CORO2B: variants seen among roughly 807,000 people sequenced by gnomAD.
The protein encoded by CORO2B is coronin-2B.
Under a neutral mutation model 58.8 loss-of-function variants are expected in CORO2B, and 26 were observed. That is an observed-to-expected ratio of 0.44 (90% CI 0.32 to 0.61). The LOEUF is 0.61. CORO2B is among the 20% of genes least tolerant of loss of function. The probability of loss-of-function intolerance (pLI) is 0.04; values close to 1 mark genes in which losing one functional copy is unlikely to be tolerated. For synonymous variants in CORO2B, 242 were observed against 253.8 expected (o/e 0.95, Z 0.44); for missense variants, 460 against 645.1 (o/e 0.71, Z 3.11).
chr15:68,622,554 C>T (rs1367767695), intron 1 of CORO2B, among the ~76,000 whole-genome samples: 2 of 152,160 alleles, frequency 1.3e-5, no homozygotes, highest in African/African-American at 4.8e-5. Context: ...CAATGGGGAA[C>T]TCACCACCTC....
the CORO2B span, among the ~76,000 whole-genome samples, chr15:68,557,786 T>C: frequency 2.0e-5 from 3 of 152,346 alleles, no homozygotes; most frequent in East Asian, 1.9e-4. Context: ...GACATCAGTT[T>C]GCACCACGCT....
chr15:68,553,364 C>A, the CORO2B span, among the ~76,000 whole-genome samples: 4 of 152,034 alleles, frequency 2.6e-5, no homozygotes, highest in African/African-American at 9.7e-5. Flanking sequence ...ATCACAAGAT[C>A]TTTGTAACAG....
At chr15:68,531,633 G>GA in the CORO2B span, among the ~76,000 whole-genome samples, 1 of 144,182 alleles carries the variant, frequency 6.9e-6, no homozygotes, top group Non-Finnish European at 1.6e-5. Context: ...GAGAAAGAAA[G>GA]AAGGAAAGAA....
At chr15:68,717,634 T>C (rs1893063174) in intron 8 of CORO2B, among the ~76,000 whole-genome samples, 1 of 152,224 alleles carries the variant, frequency 6.6e-6, no homozygotes, top group African/African-American at 2.4e-5. Flanking sequence ...GCACTTCTTG[T>C]AGACTCAGAA....
the CORO2B span, among the ~76,000 whole-genome samples, chr15:68,534,389 G>A: frequency 3.4e-4 from 52 of 152,350 alleles, no homozygotes; most frequent in East Asian, 8.5e-3. Flanking sequence ...TCCTGGTAAA[G>A]TGGCACTTCT....
At chr15:68,545,064 A>G in the CORO2B span, among the ~76,000 whole-genome samples, 6 of 152,028 alleles carry the variant, frequency 3.9e-5, no homozygotes, top group Non-Finnish European at 8.8e-5. Context: ...TTGAGCCACC[A>G]CGCCCGGCCT....
At chr15:68,686,020 G>GTTTTTTTTTTTTTTTTT (rs56168498) in intron 2 of CORO2B, among the ~76,000 whole-genome samples, 1 of 103,334 alleles carries the variant, frequency 9.7e-6, no homozygotes. Flanking sequence ...TCCTACTTCT[G>GTTTTTTTTTTTTTTTTT]TTTTTTTTTT....
At chr15:68,709,288 C>A (rs1245179575) in intron 3 of CORO2B, among the ~76,000 whole-genome samples, 2 of 152,170 alleles carry the variant, frequency 1.3e-5, no homozygotes, top group Non-Finnish European at 2.9e-5. Flanking sequence ...ATACTACCAA[C>A]ATCCATTCAA....
intron 3 of CORO2B, among the ~76,000 whole-genome samples, chr15:68,701,319 CT>C (rs1250435989): frequency 6.8e-6 from 1 of 146,948 alleles, no homozygotes. Flanking sequence ...TCTTTTTTTT[CT>C]TTTTTTTGAG....
chr15:68,527,777 C>G, the CORO2B span, among the ~76,000 whole-genome samples: 1 of 152,124 alleles, frequency 6.6e-6, no homozygotes, highest in Admixed American at 6.5e-5. Flanking sequence ...TATTATAGCT[C>G]TCCCTTTATT....
chr15:68,579,226 C>G lies in CORO2B; in HGVS notation c.-37C>G. On this transcript the variant is annotated 5_prime_UTR_variant, in exon 1 of 12. Coordinates refer to ENST00000261861, the MANE Select transcript of CORO2B (RefSeq NM_006091.5). Reference sequence around the variant, plus strand: ...GGGCCGCCGCCGCCGCCCCCGCACGCCGCGCCCGCGCCCCCGCTCCGCCGC... The same window carrying G: ...GGGCCGCCGCCGCCGCCCCCGCACGGCGCGCCCGCGCCCCCGCTCCGCCGC... 1.8e-6 allele frequency: 2 copies of G among 1,097,364 alleles called. No homozygotes were observed. Among genetic ancestry groups the G allele is most frequent in the Non-Finnish European group, 2.2e-6 (2 of 904,726 alleles). The allele number at this position is 1,097,364 out of a possible 1,614,324, so 68.0% of individuals were successfully genotyped here.
rs1189131962 is a variant in CORO2B at position 68,710,299 on chromosome 15, G to A, written c.334-433G>A. On this transcript the variant is annotated intron_variant, in intron 3 of 11. Transcript: ENST00000261861. This position sits in a 1 kb window ranked among gnomAD's most constrained non-coding sequence, Gnocchi z 4.1. ...ATCCTGGGTGGGGGACACAGTGGGGGATAAGGCCCTGCAGTCCAAACAGCC... is the reference window on the plus strand; with the variant it reads ...ATCCTGGGTGGGGGACACAGTGGGGAATAAGGCCCTGCAGTCCAAACAGCC... Among the ~76,000 whole-genome samples, 7 of 152,202 alleles carry A rather than the reference G, an allele frequency of 4.6e-5. No homozygotes were observed. The highest frequency in any genetic ancestry group is 3.9e-4 in the Admixed American group (6 of 15,286).
chr15:68,626,055 T>A (rs1029656426), intron 1 of CORO2B, among the ~76,000 whole-genome samples: 3 of 152,236 alleles, frequency 2.0e-5, no homozygotes, highest in Non-Finnish European at 4.4e-5. Flanking sequence ...CCAGAAATGC[T>A]GTCTAGCAAG....
intron 1 of CORO2B, among the ~76,000 whole-genome samples, chr15:68,590,602 C>T (rs1824411001): frequency 6.6e-6 from 1 of 152,186 alleles, no homozygotes; most frequent in Admixed American, 6.5e-5. Flanking sequence ...TTAGAAGGTC[C>T]TCCCCTACCA....
At chr15:68,712,197 A>G (rs1892935999) in intron 5 of CORO2B, among the ~76,000 whole-genome samples, 1 of 152,208 alleles carries the variant, frequency 6.6e-6, no homozygotes, top group Non-Finnish European at 1.5e-5. Flanking sequence ...TTTGGAAGTA[A>G]GAAATTACCA....
At chr15:68,573,140 C>A in the CORO2B span, among the ~76,000 whole-genome samples, 1 of 152,030 alleles carries the variant, frequency 6.6e-6, no homozygotes, top group Non-Finnish European at 1.5e-5. Flanking sequence ...CAGGTGGCTC[C>A]CTCAGTGATC....
intron 3 of CORO2B, among the ~76,000 whole-genome samples, chr15:68,696,322 G>A (rs1179779440): frequency 6.6e-6 from 1 of 151,956 alleles, no homozygotes; most frequent in Non-Finnish European, 1.5e-5. Context: ...GCTGAGGCAG[G>A]TGGATCATTT....
chr15:68,570,579 A>G, the CORO2B span, among the ~76,000 whole-genome samples: 373 of 152,334 alleles, frequency 2.4e-3, 3 homozygotes, highest in African/African-American at 8.3e-3. Flanking sequence ...AGCTGATCAG[A>G]GGAACCCCAA....
intron 2 of CORO2B, among the ~76,000 whole-genome samples, chr15:68,659,054 C>CA (rs1347586653): frequency 6.6e-6 from 1 of 152,202 alleles, no homozygotes; most frequent in Admixed American, 6.5e-5. Context: ...TATATTTAGG[C>CA]AAAACCTTCA....
Sources: allele counts gnomAD v4.1 joint callset (sites outside exome capture counted in the v4.1 genomes callset), GRCh38; gene constraint gnomAD v4.1.1; non-coding constraint Gnocchi (gnomAD v3.1); transcripts MANE v1.5; gene names NCBI Gene and HGNC (gene_info 2026-07-23, HGNC 2026-07-21).